Variants in LPGAT1 observed in about 807,000 individuals in gnomAD.
The protein encoded by LPGAT1 is lysophosphatidylglycerol acyltransferase 1, also known as acyl-CoA:lysophosphatidylglycerol acyltransferase 1.
In LPGAT1, 11 loss-of-function variants were observed where a neutral mutation model predicts 47.5. The ratio of observed to expected loss-of-function variants is 0.23; its 90% CI spans 0.15 to 0.38. The LOEUF (loss-of-function observed/expected upper bound fraction) is 0.38, where lower values mean the gene tolerates loss of function less well. Among genes scored for constraint, LPGAT1 ranks in the 10% least tolerant of loss-of-function variants. The pLI, the probability that LPGAT1 is intolerant of heterozygous loss-of-function variation, is 1.00. For synonymous variants in LPGAT1, 138 were observed against 144.2 expected (o/e 0.96, Z 0.31); for missense variants, 293 against 439.0 (o/e 0.67, Z 2.97).
chr1:211,803,338 A>C (rs1053209758), intron 2 of LPGAT1, among the ~76,000 whole-genome samples: 2 of 152,234 alleles, frequency 1.3e-5, no homozygotes, highest in African/African-American at 4.8e-5. Flanking sequence ...AGCCAAGGAG[A>C]CAGGCAAAAA....
At chr1:211,761,532 T>A (rs1022796790) in intron 6 of LPGAT1, among the ~76,000 whole-genome samples, 1 of 152,202 alleles carries the variant, frequency 6.6e-6, no homozygotes, top group African/African-American at 2.4e-5. Context: ...TGGCTGAGGA[T>A]GAAACCAACA....
At chr1:211,822,529 C>A (rs900032851) in intron 2 of LPGAT1, among the ~76,000 whole-genome samples, 3 of 152,096 alleles carry the variant, frequency 2.0e-5, no homozygotes, top group Admixed American at 2.0e-4. Flanking sequence ...GTAATCTGAG[C>A]ACTTTGGGAG....
At chr1:211,800,417 A>G (rs998309662) in intron 2 of LPGAT1, among the ~76,000 whole-genome samples, 6 of 152,088 alleles carry the variant, frequency 3.9e-5, no homozygotes, top group African/African-American at 1.4e-4. Context: ...CACTCCGCCT[A>G]TCTATGTAAA....
At chr1:211,797,009 A>C (rs1659377514) in intron 2 of LPGAT1, among the ~76,000 whole-genome samples, 1 of 152,100 alleles carries the variant, frequency 6.6e-6, no homozygotes, top group Non-Finnish European at 1.5e-5. Context: ...TAATCCCAGC[A>C]CTTTGGGAGG....
At chr1:211,802,631 T>G (rs1659618961) in intron 2 of LPGAT1, among the ~76,000 whole-genome samples, 2 of 150,452 alleles carry the variant, frequency 1.3e-5, no homozygotes, top group South Asian at 4.3e-4. Context: ...AAAAACAAGA[T>G]GAAAAACAAG....
intron 6 of LPGAT1, among the ~76,000 whole-genome samples, chr1:211,766,980 C>T (rs992625118): frequency 6.6e-6 from 1 of 150,968 alleles, no homozygotes; most frequent in African/African-American, 2.4e-5. Flanking sequence ...GCATATCTTC[C>T]AATTAGAGAA....
intron 2 of LPGAT1, among the ~76,000 whole-genome samples, chr1:211,817,401 G>A (rs976248153): frequency 9.9e-5 from 15 of 151,948 alleles, no homozygotes; most frequent in Non-Finnish European, 2.1e-4. Flanking sequence ...GCAAAACCTC[G>A]TCTCTACTGA....
At chr1:211,770,070 CATG>C (rs891371849) in intron 6 of LPGAT1, among the ~76,000 whole-genome samples, 16 of 152,250 alleles carry the variant, frequency 1.1e-4, no homozygotes, top group African/African-American at 3.1e-4. Context: ...TTGAAGAATA[CATG>C]ATATTTTTAA....
At chr1:211,829,637 G>T (rs563567356) in intron 1 of LPGAT1, 10 of 1,108,148 alleles carry the variant, frequency 9.0e-6, no homozygotes, top group African/African-American at 1.6e-5. Flanking sequence ...TCGTCTATTG[G>T]ACTTAGAAAA....
intron 4 of LPGAT1, among the ~76,000 whole-genome samples, chr1:211,786,768 TTTA>T (rs1329795248): frequency 6.6e-6 from 1 of 152,202 alleles, no homozygotes; most frequent in African/African-American, 2.4e-5. Context: ...CATTAACTTA[TTTA>T]TTAATTTATT....
chr1:211,776,946 C>G (rs770995120), intron 6 of LPGAT1, among the ~76,000 whole-genome samples: 6 of 152,120 alleles, frequency 3.9e-5, no homozygotes, highest in Non-Finnish European at 5.9e-5. Flanking sequence ...CCTCACATTA[C>G]AAGAGAAAGG....
At chr1:211,761,473 T>C (rs1657696636) in intron 6 of LPGAT1, among the ~76,000 whole-genome samples, 1 of 152,224 alleles carries the variant, frequency 6.6e-6, no homozygotes, top group Admixed American at 6.5e-5. Flanking sequence ...TTTTTTCTCT[T>C]GTCTTTATCT....
At chr1:211,797,311 C>CTTTTT (rs200601647) in intron 2 of LPGAT1, among the ~76,000 whole-genome samples, 11 of 122,638 alleles carry the variant, frequency 9.0e-5, no homozygotes, top group African/African-American at 1.2e-4. Flanking sequence ...CTTTCCTTTT[C>CTTTTT]TTTTTTTTTT....
intron 6 of LPGAT1, among the ~76,000 whole-genome samples, chr1:211,759,450 T>C (rs974983907): frequency 2.6e-5 from 4 of 152,222 alleles, no homozygotes; most frequent in Non-Finnish European, 5.9e-5. Context: ...ATTGGTAATG[T>C]AGTTAACAGT....
In LPGAT1 at chr1:211,747,021, C is replaced by T. The variant is rs148163942; in HGVS notation, c.*2878G>A. 7.9e-5 allele frequency: 12 copies of T among 152,318 alleles called. No individual in the cohort carries two copies. The East Asian group carries it at 2.3e-3, about 29-fold the overall frequency. 9.4% of individuals were successfully genotyped at this position (152,318 alleles called of 1,614,324 possible). The stretch of plus-strand genomic sequence containing the variant: ...AAGACCAAGAAGAGCTGAGCTTCTA[C>T]AAGCTATTGATATAAAACTGGCATA... On this transcript the variant is annotated 3_prime_UTR_variant, in exon 8 of 8. Transcript: ENST00000366997.
At chr1:211,813,120 G>A (rs1416871860) in intron 2 of LPGAT1, among the ~76,000 whole-genome samples, 3 of 152,064 alleles carry the variant, frequency 2.0e-5, no homozygotes, top group Non-Finnish European at 4.4e-5. Context: ...ATTTTTAAAC[G>A]AGCAAAACAA....
At chr1:211,765,727 T>G (rs1463642590) in intron 6 of LPGAT1, among the ~76,000 whole-genome samples, 1 of 152,254 alleles carries the variant, frequency 6.6e-6, no homozygotes, top group Non-Finnish European at 1.5e-5. Flanking sequence ...ATTCATCTAT[T>G]GATAATAACC....
In LPGAT1 at chr1:211,747,801, G is replaced by T. The variant is rs929359244; in HGVS notation, c.*2098C>A. On this transcript the variant is annotated 3_prime_UTR_variant, in exon 8 of 8. Transcript: ENST00000366997. ...GTCATCATCCATACCTCTAAATTGA[G>T]ATTGGTTTCATTTATTCACCGACAC... The T allele has an allele frequency of 6.6e-6, 1 of 152,490 alleles. No individual in the cohort carries two copies. The highest frequency in any genetic ancestry group is 1.5e-5 in the Non-Finnish European group (1 of 68,028). The allele number at this position is 152,490 out of a possible 1,614,324, so 9.4% of individuals were successfully genotyped here.
intron 4 of LPGAT1, among the ~76,000 whole-genome samples, chr1:211,784,801 T>G (rs1409660334): frequency 7.7e-6 from 1 of 130,714 alleles, no homozygotes; most frequent in Non-Finnish European, 1.6e-5. Flanking sequence ...ACAAAGGTTC[T>G]TTCTTTTTTT....
Sources: gnomAD v4.1 joint callset for allele counts (sites outside exome capture counted in the v4.1 genomes callset) on GRCh38, gnomAD v4.1.1 for gene constraint, MANE v1.5 for transcripts, NCBI Gene and HGNC (gene_info 2026-07-23, HGNC 2026-07-21) for gene names.